FRMD5: variants seen among roughly 807,000 people sequenced by gnomAD.
FRMD5 encodes the protein FERM domain containing 5.
FRMD5 carries 20 observed loss-of-function variants against 69.0 expected under a neutral mutation model. The ratio of observed to expected loss-of-function variants is 0.29; its 90% CI spans 0.20 to 0.42. The LOEUF is 0.42. Among genes scored for constraint, FRMD5 ranks in the 10% least tolerant of loss-of-function variants. The probability of loss-of-function intolerance (pLI) is 1.00; values close to 1 mark genes in which losing one functional copy is unlikely to be tolerated. For missense variants in FRMD5, 595 were observed against 708.6 expected (o/e 0.84, Z 1.82); for synonymous variants, 271 against 260.1 (o/e 1.04, Z -0.40).
intron 5 of FRMD5, among the ~76,000 whole-genome samples, chr15:43,906,897 G>C (rs570979413): frequency 4.7e-4 from 71 of 152,212 alleles, no homozygotes; most frequent in Non-Finnish European, 9.6e-4. Context: ...CACCGCACCC[G>C]GCCGAGAAGC....
At chr15:44,041,570 A>G (rs1272499484) in intron 1 of FRMD5, among the ~76,000 whole-genome samples, 1 of 152,208 alleles carries the variant, frequency 6.6e-6, no homozygotes, top group African/African-American at 2.4e-5. Flanking sequence ...CAGAAATCAT[A>G]ACAAACAGTC....
intron 1 of FRMD5, among the ~76,000 whole-genome samples, chr15:44,061,098 C>T (rs1047384119): frequency 6.6e-6 from 1 of 152,208 alleles, no homozygotes; most frequent in Non-Finnish European, 1.5e-5. Flanking sequence ...TACCCTCCTA[C>T]ATTTTTCAGC....
At chr15:44,158,837 G>C (rs1422262327) in intron 1 of FRMD5, among the ~76,000 whole-genome samples, 1 of 152,092 alleles carries the variant, frequency 6.6e-6, no homozygotes, top group Non-Finnish European at 1.5e-5. Flanking sequence ...TAAGGATGCA[G>C]AGATAAAAGA....
At chr15:43,977,597 A>G (rs1053255173) in intron 1 of FRMD5, among the ~76,000 whole-genome samples, 1 of 152,218 alleles carries the variant, frequency 6.6e-6, no homozygotes, top group East Asian at 1.9e-4. Flanking sequence ...AAGCAGGGTA[A>G]AAACATTAAT....
chr15:44,194,799 G>A (rs1390689939), intron 1 of FRMD5, 154 bp downstream of exon 1: 1 of 731,328 alleles, frequency 1.4e-6, no homozygotes, highest in Non-Finnish European at 2.4e-6. Context: ...CGGTGAAGAC[G>A]CCCTGCACTA....
intron 1 of FRMD5, among the ~76,000 whole-genome samples, chr15:44,185,775 AGAGT>A (rs903715690): frequency 1.4e-4 from 21 of 151,430 alleles, no homozygotes; most frequent in Admixed American, 2.0e-4. Flanking sequence ...CTTGGGCGAC[AGAGT>A]GAGACTCTTA....
intron 1 of FRMD5, among the ~76,000 whole-genome samples, chr15:43,980,143 G>A (rs186521054): frequency 2.0e-4 from 30 of 152,300 alleles, no homozygotes; most frequent in Admixed American, 1.5e-3. Flanking sequence ...GTAGTATTAT[G>A]TTGCTTTTAA....
chr15:44,151,019 G>T (rs2077436845), intron 1 of FRMD5, among the ~76,000 whole-genome samples: 1 of 151,948 alleles, frequency 6.6e-6, no homozygotes, highest in Non-Finnish European at 1.5e-5. Flanking sequence ...TTCAACTTGG[G>T]AAGCAGAGGC....
intron 1 of FRMD5, among the ~76,000 whole-genome samples, chr15:44,173,959 T>C (rs1200998913): frequency 6.6e-6 from 1 of 152,138 alleles, no homozygotes; most frequent in Non-Finnish European, 1.5e-5. Flanking sequence ...ACACAACTCT[T>C]GGGAATAGGC....
At chr15:44,123,344 C>CAAA (rs35476491) in intron 1 of FRMD5, among the ~76,000 whole-genome samples, 1 of 147,258 alleles carries the variant, frequency 6.8e-6, no homozygotes. Flanking sequence ...AACTCCATCT[C>CAAA]AAAAAAAAAA....
chr15:44,141,290 T>C (rs887666835), intron 1 of FRMD5, among the ~76,000 whole-genome samples: 1 of 152,096 alleles, frequency 6.6e-6, no homozygotes, highest in Admixed American at 6.6e-5. Flanking sequence ...AAAGTTGACA[T>C]AGAAGAATAA....
intron 7 of FRMD5, among the ~76,000 whole-genome samples, chr15:43,896,987 AAGG>A (rs1024674238): frequency 2.0e-5 from 3 of 151,896 alleles, no homozygotes; most frequent in East Asian, 3.9e-4. Context: ...TGAAGAGGAG[AAGG>A]AGGAGGAGGA....
At chr15:43,917,731 C>T (rs1353267789) in intron 4 of FRMD5, 1 of 152,278 alleles carries the variant, frequency 6.6e-6, no homozygotes, top group African/African-American at 2.4e-5. Flanking sequence ...CTACCTAAAG[C>T]CTTAGGGTGT....
At chr15:44,004,457 GTC>G (rs1890347835) in intron 1 of FRMD5, among the ~76,000 whole-genome samples, 1 of 152,262 alleles carries the variant, frequency 6.6e-6, no homozygotes, top group Admixed American at 6.5e-5. Flanking sequence ...CACACTTCAT[GTC>G]TCTGTGTCAC....
intron 1 of FRMD5, among the ~76,000 whole-genome samples, chr15:43,954,089 A>T (rs971659506): frequency 6.6e-6 from 1 of 152,216 alleles, no homozygotes; most frequent in Non-Finnish European, 1.5e-5. Context: ...CGTGAGGGAA[A>T]GCAAGCTACC....
At chr15:44,186,106 T>A (rs2078096602) in intron 1 of FRMD5, among the ~76,000 whole-genome samples, 1 of 152,108 alleles carries the variant, frequency 6.6e-6, no homozygotes. Flanking sequence ...TTTTTATTTT[T>A]AGTAGAGACA....
At chr15:43,939,507 G>C (rs1157041264) in intron 1 of FRMD5, among the ~76,000 whole-genome samples, 1 of 152,088 alleles carries the variant, frequency 6.6e-6, no homozygotes, top group African/African-American at 2.4e-5. Flanking sequence ...CCCAGGTAGA[G>C]TGTCTTATAG....
At chr15:43,882,791 A>G (rs1385409643) in intron 13 of FRMD5, among the ~76,000 whole-genome samples, 1 of 152,006 alleles carries the variant, frequency 6.6e-6, no homozygotes, top group Non-Finnish European at 1.5e-5. Flanking sequence ...GGTCAGATTT[A>G]GCAAACAAGT....
intron 1 of FRMD5, among the ~76,000 whole-genome samples, chr15:43,998,876 C>T (rs972837689): frequency 6.6e-6 from 1 of 152,196 alleles, no homozygotes; most frequent in African/African-American, 2.4e-5. Context: ...CAGCTGCTCT[C>T]TACCATGCAA....
Sources: gnomAD v4.1 joint callset for allele counts (sites outside exome capture counted in the v4.1 genomes callset) on GRCh38, gnomAD v4.1.1 for gene constraint, MANE v1.5 for transcripts, NCBI Gene and HGNC (gene_info 2026-07-23, HGNC 2026-07-21) for gene names.